The following ZNF175 variants were observed in gnomAD, a reference collection of about 807,000 sequenced individuals.
ZNF175 encodes the protein zinc finger protein 175, also known as zinc finger protein OTK18.
A neutral mutation model predicts 14.0 loss-of-function variants in ZNF175; 8 were observed. The observed-to-expected ratio is 0.57, with a 90% CI of 0.34 to 1.03. ZNF175 has a LOEUF of 1.03. Ranked by LOEUF, ZNF175 falls within the 50% of genes least tolerant of loss-of-function variation. The pLI is 0.03. For synonymous variants in ZNF175, 255 were observed against 296.8 expected (o/e 0.86, Z 1.45); for missense variants, 764 against 849.5 (o/e 0.90, Z 1.25).
In ZNF175 at chr19:51,588,147, C is replaced by A; in HGVS notation, c.1816C>A (p.Gln606Lys). 2 of 1,614,100 alleles carry A rather than the reference C, an allele frequency of 1.2e-6. No individual in the cohort carries two copies. Among genetic ancestry groups the A allele is most frequent in the Non-Finnish European group, 1.7e-6 (2 of 1,180,008 alleles). The stretch of plus-strand genomic sequence containing the variant: ...CGGCAGGTCAAATTTCCATAAACAT[C>A]AAATAACTCACACTAGAGAGAGGCC... The part of the protein sequence containing the change: ...FNGRSNFHKH[Q>K]ITHTRERPFV... Residue 606 changes from glutamine to lysine, a missense_variant, in exon 5 of 5, where the codon CAA (glutamine) becomes AAA (lysine). By Grantham distance (53) the Gln-to-Lys change is moderately conservative. Coordinates refer to ENST00000262259, the MANE Select transcript of ZNF175 (RefSeq NM_007147.4).
chr19:51,587,457 T>G lies in ZNF175; in HGVS notation c.1126T>G (p.Leu376Val). 1 of 1,614,210 alleles carries G rather than the reference T, an allele frequency of 6.2e-7. No individual in the cohort carries two copies. The highest frequency in any genetic ancestry group is 8.5e-7 in the Non-Finnish European group (1 of 1,180,022). ...HDCGKAFFQM[L>V]SLFRHQRTHS... ...CTGTGGAAAAGCCTTTTTCCAGATG[T>G]TATCTCTCTTCAGACATCAGAGAAC... is the stretch of plus-strand genomic sequence containing the variant. The change falls in exon 5 of 5, where the codon TTA becomes GTA. Residue 376 changes from leucine (L) to valine (V), a missense_variant. Coordinates refer to ENST00000262259, the MANE Select transcript of ZNF175 (RefSeq NM_007147.4).
At chr19:51,572,413 A>G (rs1374415178) in intron 1 of ZNF175, among the ~76,000 whole-genome samples, 1 of 152,214 alleles carries the variant, frequency 6.6e-6, no homozygotes, top group African/African-American at 2.4e-5. Flanking sequence ...TTCTGTGTCA[A>G]GATGGGGATT....
In ZNF175 at chr19:51,586,643, T is replaced by G. The variant is rs1301308772; in HGVS notation, c.312T>G (p.Leu104=). The G allele has an allele frequency of 6.3e-7, 1 of 1,592,162 alleles. No individual in the cohort carries two copies. ...HQRCQEREFG[L]EIPQKEISKK... is the part of the protein sequence containing the mutation. ...TCCTTTTAGAAAGGGAGTTTGGGCT[T>G]GAAATCCCACAAAAGGAGATTTCTA... is the stretch of plus-strand genomic sequence containing the variant. Residue 104 remains leucine (L), a synonymous_variant, in exon 5 of 5, where the codon CTT becomes CTG. Coordinates refer to ENST00000262259, the MANE Select transcript of ZNF175 (RefSeq NM_007147.4).
chr19:51,581,184 A>G (rs537919112), intron 2 of ZNF175, among the ~76,000 whole-genome samples: 55 of 152,258 alleles, frequency 3.6e-4, no homozygotes, highest in Admixed American at 1.4e-3. Context: ...AAAAAAAAAA[A>G]TGAATGAATG....
chr19:51,587,445 T>G lies in ZNF175; in HGVS notation c.1114T>G (p.Phe372Val), dbSNP rs1196683445. 1.2e-6 allele frequency: 2 copies of G among 1,614,028 alleles called. No individual in the cohort carries two copies. Among genetic ancestry groups the G allele is most frequent in the East Asian group, 4.5e-5 (2 of 44,898 alleles). ...PYKCHDCGKAFFQMLSLFRHQ... is the reference protein window; with the variant it reads ...PYKCHDCGKAVFQMLSLFRHQ... ...TAAATGCCATGACTGTGGAAAAGCC[T>G]TTTTCCAGATGTTATCTCTCTTCAG... is the stretch of plus-strand genomic sequence containing the variant. Residue 372 changes from phenylalanine (F) to valine (V), a missense_variant, in exon 5 of 5, where the codon TTT becomes GTT. By Grantham distance (50) the Phe-to-Val change is conservative. Transcript: ENST00000262259.
chr19:51,581,902 G>A lies in ZNF175; in HGVS notation c.295+20G>A. 1.2e-6 allele frequency: 2 copies of A among 1,604,610 alleles called. No homozygotes were observed. Among genetic ancestry groups the A allele is most frequent in the Non-Finnish European group, 1.7e-6 (2 of 1,172,712 alleles). ...GTCAAGGTGAGTAAGTTGTACCCGG[G>A]CAAATGTAGATATCTTTGCAGGGAA... is the stretch of plus-strand genomic sequence containing the variant. On this transcript the variant is annotated intron_variant, in intron 4 of 4. Transcript: ENST00000262259.
At chr19:51,580,980 A>G (rs2122568527) in intron 2 of ZNF175, among the ~76,000 whole-genome samples, 1 of 152,238 alleles carries the variant, frequency 6.6e-6, no homozygotes, top group Middle Eastern at 3.4e-3. Flanking sequence ...TTAACCCTGT[A>G]GTTGAGCTTT....
rs1370784217 is a variant in ZNF175 at position 51,591,932 on chromosome 19, CT to C, written c.*3466del. On this transcript the variant is annotated 3_prime_UTR_variant, in exon 5 of 5. Coordinates refer to ENST00000262259, the MANE Select transcript of ZNF175 (RefSeq NM_007147.4). ...TACAGGCGCCCACCACCATGCCTGG[CT>C]AATTTTTTGTATTTTTAGTAGAGAC... 1 of 151,692 alleles carries C rather than the reference CT, an allele frequency of 6.6e-6. No individual in the cohort carries two copies. Among genetic ancestry groups the C allele is most frequent in the Non-Finnish European group, 1.5e-5 (1 of 67,902 alleles). 9.4% of individuals were successfully genotyped at this position (151,692 alleles called of 1,614,324 possible).
chr19:51,581,563 G>A, intron 3 of ZNF175, 46 bp downstream of exon 3: 1 of 1,584,390 alleles, frequency 6.3e-7, no homozygotes, highest in Non-Finnish European at 8.6e-7. Context: ...CTGTTGAGGA[G>A]ATTTCCTTCC....
chr19:51,576,853 TC>T (rs1441394858), intron 2 of ZNF175, among the ~76,000 whole-genome samples: 3 of 152,132 alleles, frequency 2.0e-5, no homozygotes, highest in Non-Finnish European at 4.4e-5. Context: ...TGAAAGTGCA[TC>T]CCCTAGGAGT....
Position 51,586,998 on chromosome 19 carries a change from C to T in ZNF175, c.667C>T (p.Leu223Phe). The T allele has an allele frequency of 6.2e-7, 1 of 1,614,206 alleles. No individual in the cohort carries two copies. Among genetic ancestry groups the T allele is most frequent in the Non-Finnish European group, 8.5e-7 (1 of 1,180,020 alleles). ...GAATGAAAGCAATGACACAGAACAG[C>T]TTGATGACGTTGTTGGGTCTGGTCA... is the stretch of plus-strand genomic sequence containing the variant. Reference protein sequence around the residue: ...GQNESNDTEQLDDVVGSGQLF... With the variant: ...GQNESNDTEQFDDVVGSGQLF... Residue 223 changes from leucine (L) to phenylalanine (F), a missense_variant, in exon 5 of 5, where the codon CTT becomes TTT. By Grantham distance (22) the Leu-to-Phe change is conservative. Transcript: ENST00000262259.
In ZNF175 at chr19:51,589,233, T is replaced by C. The variant is rs1489732873; in HGVS notation, c.*766T>C. The C allele has an allele frequency of 3.1e-6, 1 of 318,198 alleles. No homozygotes were observed. The highest frequency in any genetic ancestry group is 2.1e-5 in the African/African-American group (1 of 46,772). The allele number at this position is 318,198 out of a possible 1,614,324, so 19.7% of individuals were successfully genotyped here. ...ATGTATATATATGCATATGCAGACA[T>C]ATGTATATGGTCTGGTCAGCATATG... On this transcript the variant is annotated 3_prime_UTR_variant, in exon 5 of 5. Coordinates refer to ENST00000262259, the MANE Select transcript of ZNF175 (RefSeq NM_007147.4).
At chr19:51,585,796 T>C (rs958627954) in intron 4 of ZNF175, among the ~76,000 whole-genome samples, 9 of 152,116 alleles carry the variant, frequency 5.9e-5, no homozygotes, top group Admixed American at 1.3e-4. Context: ...AAAAGGCATA[T>C]TTGATAGCAT....
chr19:51,585,406 C>T lies in ZNF175; in HGVS notation c.296-1221C>T, dbSNP rs146353060. Reference sequence around the variant, plus strand: ...GATCCATTGCACAACAGGGTGAATACAGGTAGCACTACTGAACTGTACAAT... The same window carrying T: ...GATCCATTGCACAACAGGGTGAATATAGGTAGCACTACTGAACTGTACAAT... On this transcript the variant is annotated intron_variant, in intron 4 of 4. Coordinates refer to ENST00000262259, the MANE Select transcript of ZNF175 (RefSeq NM_007147.4). Among the ~76,000 whole-genome samples, 8 of 152,232 alleles carry T rather than the reference C, an allele frequency of 5.3e-5. No individual in the cohort carries two copies. In the East Asian group the frequency reaches 1.5e-3, roughly 29 times the overall value.
At chr19:51,581,683 G>A (rs1234907730) in intron 3 of ZNF175, 104 bp from the exon 4 acceptor site, 2 of 1,528,132 alleles carry the variant, frequency 1.3e-6, no homozygotes. Context: ...TTTGTGCCCA[G>A]TGGAAAATGT....
At chr19:51,578,243 A>C (rs1225081897) in intron 2 of ZNF175, among the ~76,000 whole-genome samples, 1 of 151,784 alleles carries the variant, frequency 6.6e-6, no homozygotes, top group Admixed American at 6.6e-5. Context: ...CTAAAAAAAT[A>C]CAAAAAATTA....
At position 51,587,925 on chromosome 19, in the gene ZNF175, G is replaced by A. The variant is rs1277978351; in HGVS notation, c.1594G>A (p.Val532Ile). The A allele has an allele frequency of 6.2e-7, 1 of 1,614,178 alleles. No individual in the cohort carries two copies. Among genetic ancestry groups the A allele is most frequent in the South Asian group, 1.1e-5 (1 of 91,088 alleles). The change falls in exon 5 of 5, where the codon GTA (valine) becomes ATA (isoleucine). Residue 532 changes from valine (V) to isoleucine (I), a missense_variant. Coordinates refer to ENST00000262259, the MANE Select transcript of ZNF175 (RefSeq NM_007147.4). ...QKIHTGERHH[V>I]CSECGKAFNQ... ...AATTCATACTGGAGAAAGACACCATGTATGCAGTGAATGCGGGAAAGCCTT... is the reference window on the plus strand; with the variant it reads ...AATTCATACTGGAGAAAGACACCATATATGCAGTGAATGCGGGAAAGCCTT...
rs1982286447 is a variant in ZNF175, at chr19:51,589,466, G to A, written c.*999G>A. The stretch of plus-strand genomic sequence containing the variant: ...TAACTCCTTTATTATACATACACAT[G>A]AATGTGCATTTTTGGTAAATGCATA... On this transcript the variant is annotated 3_prime_UTR_variant, in exon 5 of 5. Coordinates refer to ENST00000262259, the MANE Select transcript of ZNF175 (RefSeq NM_007147.4). 4.4e-6 allele frequency: 3 copies of A among 683,980 alleles called. No individual in the cohort carries two copies. The highest frequency in any genetic ancestry group is 8.0e-6 in the Non-Finnish European group (3 of 376,706). The allele number at this position is 683,980 out of a possible 1,614,324, so 42.4% of individuals were successfully genotyped here.
At chr19:51,585,983 G>A (rs1982152292) in intron 4 of ZNF175, among the ~76,000 whole-genome samples, 1 of 152,298 alleles carries the variant, frequency 6.6e-6, no homozygotes, top group Middle Eastern at 3.4e-3. Flanking sequence ...TAGGAGAGTT[G>A]AGGCATAGTC....
Sources: gnomAD v4.1 joint callset for allele counts (sites outside exome capture counted in the v4.1 genomes callset) on GRCh38, gnomAD v4.1.1 for gene constraint, MANE v1.5 for transcripts, NCBI Gene and HGNC (gene_info 2026-07-23, HGNC 2026-07-21) for gene names.